Variants in PTPRR observed in about 807,000 individuals in gnomAD.
PTPRR encodes receptor-type tyrosine-protein phosphatase R.
PTPRR carries 38 observed loss-of-function variants against 77.2 expected under a neutral mutation model. That is an observed-to-expected ratio of 0.49 (90% CI 0.38 to 0.65). PTPRR has a LOEUF of 0.65. Ranked by LOEUF, PTPRR falls within the 30% of genes least tolerant of loss-of-function variation. The pLI is 0.00. For missense variants in PTPRR, 744 were observed against 799.2 expected (o/e 0.93, Z 0.83); for synonymous variants, 299 against 283.1 (o/e 1.06, Z -0.57).
chr12:70,894,060 A>C (rs1331698225), intron 1 of PTPRR, among the ~76,000 whole-genome samples: 2 of 151,880 alleles, frequency 1.3e-5, no homozygotes, highest in African/African-American at 4.8e-5. Flanking sequence ...CAGTTAGAAA[A>C]GCAAACATGA....
chr12:70,895,370 A>G (rs1444929642), intron 1 of PTPRR, among the ~76,000 whole-genome samples: 1 of 151,646 alleles, frequency 6.6e-6, no homozygotes, highest in Non-Finnish European at 1.5e-5. Context: ...CTTTATCTAA[A>G]TAGAAAAGTC....
intron 2 of PTPRR, among the ~76,000 whole-genome samples, chr12:70,771,124 T>A (rs1172476597): frequency 6.6e-6 from 1 of 150,920 alleles, no homozygotes; most frequent in African/African-American, 2.4e-5. Flanking sequence ...CTGCACATTG[T>A]GCACATGTAC....
At chr12:70,821,446 C>T (rs190543771) in intron 2 of PTPRR, among the ~76,000 whole-genome samples, 7 of 151,240 alleles carry the variant, frequency 4.6e-5, no homozygotes, top group African/African-American at 1.5e-4. Flanking sequence ...AGGCTGGTCT[C>T]GAACTCCTGA....
intron 8 of PTPRR, among the ~76,000 whole-genome samples, chr12:70,690,140 C>T (rs573995518): frequency 6.7e-4 from 102 of 152,178 alleles, no homozygotes; most frequent in African/African-American, 2.3e-3. Flanking sequence ...CTAGGGATGG[C>T]GAGGTAACCA....
chr12:70,903,206 CAAT>C (rs1317300641), intron 1 of PTPRR, among the ~76,000 whole-genome samples: 1 of 151,524 alleles, frequency 6.6e-6, no homozygotes, highest in Non-Finnish European at 1.5e-5. Context: ...TGACTATAGT[CAAT>C]AATTTATTGT....
At position 70,835,595 on chromosome 12, in the gene PTPRR, A is replaced by G. The variant is rs984242355; in HGVS notation, c.357+57084T>C. On this transcript the variant is annotated intron_variant, in intron 2 of 13. Coordinates refer to ENST00000283228, the MANE Select transcript of PTPRR (RefSeq NM_002849.4). ...TGAACACTGATTAAAAACTGACTCT[A>G]AAGTATTGAGCACATGGTAAAGAAA... is the stretch of plus-strand genomic sequence containing the variant. 5.3e-5 allele frequency among the ~76,000 whole-genome samples: 8 copies of G among 152,120 alleles called. No homozygotes were observed. In the East Asian group the frequency reaches 7.7e-4, roughly 15 times the overall value.
At chr12:70,712,565 T>A (rs186746918) in intron 6 of PTPRR, among the ~76,000 whole-genome samples, 1 of 151,090 alleles carries the variant, frequency 6.6e-6, no homozygotes, top group Admixed American at 6.7e-5. Context: ...GTTTTTATTT[T>A]TGATACTGTG....
chr12:70,694,056 T>C (rs1173829979), intron 8 of PTPRR, among the ~76,000 whole-genome samples: 2 of 152,186 alleles, frequency 1.3e-5, no homozygotes, highest in Non-Finnish European at 2.9e-5. Flanking sequence ...GGAGATTAAA[T>C]ATCCTGCCAA....
At chr12:70,821,213 C>CTTTTTTTTTTTGTTTTTTTTTT (rs1892003594) in intron 2 of PTPRR, among the ~76,000 whole-genome samples, 1 of 31,972 alleles carries the variant, frequency 3.1e-5, no homozygotes, top group Non-Finnish European at 6.1e-5. Context: ...GGGATCACTG[C>CTTTTTTTTTTTGTTTTTTTTTT]TTTTTTTTTT....
chr12:70,798,259 T>G (rs1328004563), intron 2 of PTPRR, among the ~76,000 whole-genome samples: 1 of 152,178 alleles, frequency 6.6e-6, no homozygotes, highest in African/African-American at 2.4e-5. Context: ...AAATATACAA[T>G]AAAATCTTCC....
intron 2 of PTPRR, among the ~76,000 whole-genome samples, chr12:70,871,230 G>A (rs1367446513): frequency 6.6e-6 from 1 of 152,174 alleles, no homozygotes; most frequent in Non-Finnish European, 1.5e-5. Context: ...AGCCCCTCTG[G>A]CAAATGGGTA....
chr12:70,912,557 T>G (rs1395060973), intron 1 of PTPRR, among the ~76,000 whole-genome samples: 1 of 152,238 alleles, frequency 6.6e-6, no homozygotes, highest in Admixed American at 6.5e-5. Flanking sequence ...AGTTCTAGAC[T>G]GCTGCATAAT....
chr12:70,754,338 G>C, intron 4 of PTPRR, 37 bp from the exon 5 acceptor site: 1 of 1,610,164 alleles, frequency 6.2e-7, no homozygotes, highest in East Asian at 2.2e-5. Context: ...CGTTAAATGA[G>C]AGCTTGAGAA....
intron 2 of PTPRR, among the ~76,000 whole-genome samples, chr12:70,817,053 A>G (rs1276753644): frequency 6.6e-6 from 1 of 152,146 alleles, no homozygotes; most frequent in African/African-American, 2.4e-5. Flanking sequence ...CACTACTAGT[A>G]CTGCTAAATA....
At chr12:70,894,323 T>A (rs1893388560) in intron 1 of PTPRR, among the ~76,000 whole-genome samples, 1 of 151,838 alleles carries the variant, frequency 6.6e-6, no homozygotes, top group African/African-American at 2.4e-5. Flanking sequence ...GTACTCATGC[T>A]ACTGGGCATT....
chr12:70,764,617 C>A (rs1235737613), intron 3 of PTPRR, 48 bp downstream of exon 3: 25 of 1,475,524 alleles, frequency 1.7e-5, no homozygotes, highest in Non-Finnish European at 2.2e-5. Context: ...ATTAAAAAAA[C>A]CACACACACG....
intron 6 of PTPRR, among the ~76,000 whole-genome samples, chr12:70,735,060 T>C (rs1889815555): frequency 6.6e-6 from 1 of 152,158 alleles, no homozygotes; most frequent in South Asian, 2.1e-4. Flanking sequence ...GAAAATTTTG[T>C]TCATAACCCT....
chr12:70,794,582 G>A (rs1445583058), intron 2 of PTPRR, among the ~76,000 whole-genome samples: 2 of 152,164 alleles, frequency 1.3e-5, no homozygotes, highest in East Asian at 1.9e-4. Context: ...TATAACTAAC[G>A]AACACACACA....
At chr12:70,914,319 G>A (rs1192928224) in intron 1 of PTPRR, among the ~76,000 whole-genome samples, 1 of 152,160 alleles carries the variant, frequency 6.6e-6, no homozygotes, top group Non-Finnish European at 1.5e-5. Flanking sequence ...AAAGGAGATA[G>A]CTGTATTAAA....
Sources: gnomAD v4.1 joint callset for allele counts (sites outside exome capture counted in the v4.1 genomes callset) on GRCh38, gnomAD v4.1.1 for gene constraint, MANE v1.5 for transcripts, NCBI Gene and HGNC (gene_info 2026-07-23, HGNC 2026-07-21) for gene names.